The following CABLES1 variants were observed in gnomAD, a reference collection of about 807,000 sequenced individuals.
CABLES1 encodes the protein Cdk5 and Abl enzyme substrate 1.
In CABLES1, 36 loss-of-function variants were observed where a neutral mutation model predicts 57.8. The observed-to-expected ratio is 0.62, with a 90% CI of 0.48 to 0.82. The LOEUF is 0.82. CABLES1 is among the 40% of genes least tolerant of loss of function. The pLI is 0.00. For missense variants in CABLES1, 767 were observed against 836.6 expected, an observed-to-expected ratio of 0.92 and a Z score of 1.03; for synonymous variants, 374 against 363.0, an observed-to-expected ratio of 1.03 and a Z score of -0.35.
rs772282378 is a variant in CABLES1, at chr18:23,253,756, G to A, written c.1581G>A (p.Ala527=). 2.1e-5 allele frequency: 34 copies of A among 1,614,046 alleles called. No homozygotes were observed. The highest frequency in any genetic ancestry group is 1.1e-4 in the African/African-American group (8 of 74,920). Residue 527 remains alanine (A), a synonymous_variant, in exon 9 of 10, where the codon GCG becomes GCA. Coordinates refer to ENST00000256925, the MANE Select transcript of CABLES1 (RefSeq NM_001100619.3). ...TGAAACGAGAGATGCGGAAGCTTGC[G>A]CAGGAGGACTGTGGCCTTGAGGAGC... ...RSLKREMRKL[A]QEDCGLEEPT...
chr18:23,241,456 G>T (rs1214134828), intron 7 of CABLES1, among the ~76,000 whole-genome samples: 4 of 147,130 alleles, frequency 2.7e-5, no homozygotes, highest in African/African-American at 1.0e-4. Context: ...GCTTAAACCC[G>T]GGAGGTGGAG....
At chr18:23,235,410 G>A (rs1412296300) in intron 5 of CABLES1, among the ~76,000 whole-genome samples, 6 of 152,196 alleles carry the variant, frequency 3.9e-5, no homozygotes, top group African/African-American at 9.7e-5. Flanking sequence ...CACCCCTAAC[G>A]AGGAAGTGTT....
At chr18:23,171,883 C>T (rs978815699) in intron 1 of CABLES1, among the ~76,000 whole-genome samples, 3 of 152,204 alleles carry the variant, frequency 2.0e-5, no homozygotes, top group Non-Finnish European at 4.4e-5. Context: ...GTTAACCTTT[C>T]TGAGCTACCA....
chr18:23,202,807 A>G (rs938901978), intron 3 of CABLES1, among the ~76,000 whole-genome samples: 21 of 152,110 alleles, frequency 1.4e-4, no homozygotes, highest in African/African-American at 4.8e-4. Flanking sequence ...TAACACAGTG[A>G]AACCCCATCT....
At chr18:23,181,734 G>A (rs1386508795) in intron 1 of CABLES1, among the ~76,000 whole-genome samples, 1 of 152,154 alleles carries the variant, frequency 6.6e-6, no homozygotes, top group African/African-American at 2.4e-5. Flanking sequence ...CCCCTCCCAA[G>A]CAGCTCACTT....
intron 9 of CABLES1, 80 bp from the exon 10 acceptor site, chr18:23,257,147 G>A: frequency 2.7e-6 from 4 of 1,509,122 alleles, no homozygotes; most frequent in Non-Finnish European, 3.6e-6. Flanking sequence ...ACTGGCTGGT[G>A]GATAGAGAAG....
At chr18:23,217,802 C>T (rs140170364) in intron 4 of CABLES1, among the ~76,000 whole-genome samples, 368 of 152,356 alleles carry the variant, frequency 2.4e-3, no homozygotes, top group Non-Finnish European at 4.8e-3. Context: ...TTTACTTTTA[C>T]GCTGAAGTTC....
At chr18:23,231,652 G>A (rs553650101) in intron 4 of CABLES1, among the ~76,000 whole-genome samples, 2 of 152,252 alleles carry the variant, frequency 1.3e-5, no homozygotes, top group East Asian at 1.9e-4. Context: ...CCCAAGTGTC[G>A]CTGAGACGCT....
intron 1 of CABLES1, among the ~76,000 whole-genome samples, chr18:23,178,775 G>A (rs1206544781): frequency 1.3e-5 from 2 of 152,154 alleles, no homozygotes; most frequent in Non-Finnish European, 2.9e-5. Context: ...GATTTGGCAA[G>A]TCTGATGAGA....
At chr18:23,172,022 G>C (rs1027379667) in intron 1 of CABLES1, among the ~76,000 whole-genome samples, 3 of 152,210 alleles carry the variant, frequency 2.0e-5, no homozygotes, top group African/African-American at 7.2e-5. Flanking sequence ...ACGGGCTCAA[G>C]TGATTCTCCC....
chr18:23,161,423 C>T (rs556495163), intron 1 of CABLES1, among the ~76,000 whole-genome samples: 1 of 151,188 alleles, frequency 6.6e-6, no homozygotes, highest in Non-Finnish European at 1.5e-5. Context: ...GTAATCACAT[C>T]ACTGATGAAT....
chr18:23,153,819 C>G (rs982818635), intron 1 of CABLES1, among the ~76,000 whole-genome samples: 1 of 152,116 alleles, frequency 6.6e-6, no homozygotes, highest in African/African-American at 2.4e-5. Flanking sequence ...TCACTTGAGA[C>G]TAGGAGTTTG....
At chr18:23,152,728 G>A (rs542728644) in intron 1 of CABLES1, among the ~76,000 whole-genome samples, 6 of 151,724 alleles carry the variant, frequency 4.0e-5, no homozygotes, top group African/African-American at 9.7e-5. Flanking sequence ...CAAGTGATCC[G>A]CCTGGCTCGG....
In CABLES1 at chr18:23,162,713, C is replaced by T. The variant is rs540168759; in HGVS notation, c.845+26106C>T. 4.6e-5 allele frequency among the ~76,000 whole-genome samples: 7 copies of T among 152,236 alleles called. No homozygotes were observed. In the East Asian group the frequency reaches 1.4e-3, roughly 29 times the overall value. ...GTGTCTTAGGCTGCCAGAGGAGAAGCCACCAGCACCTGAGAAGTGGGTAGG... is the reference window on the plus strand; with the variant it reads ...GTGTCTTAGGCTGCCAGAGGAGAAGTCACCAGCACCTGAGAAGTGGGTAGG... On this transcript the variant is annotated intron_variant, in intron 1 of 9. Transcript: ENST00000256925.
intron 1 of CABLES1, among the ~76,000 whole-genome samples, chr18:23,160,973 C>T (rs1383287188): frequency 2.0e-5 from 3 of 152,150 alleles, no homozygotes; most frequent in African/African-American, 4.8e-5. Flanking sequence ...GCAAAGGTTG[C>T]AGTGAGCCAA....
At chr18:23,169,520 C>T (rs749895175) in intron 1 of CABLES1, among the ~76,000 whole-genome samples, 12 of 152,172 alleles carry the variant, frequency 7.9e-5, no homozygotes, top group Middle Eastern at 3.2e-3. Context: ...CAGAGAAGTG[C>T]CTGGTCTGTC....
At chr18:23,165,759 G>A (rs571573270) in intron 1 of CABLES1, among the ~76,000 whole-genome samples, 1 of 152,286 alleles carries the variant, frequency 6.6e-6, no homozygotes, top group African/African-American at 2.4e-5. Flanking sequence ...ATTCTTCGAT[G>A]GACACTTGGT....
intron 7 of CABLES1, among the ~76,000 whole-genome samples, chr18:23,252,030 G>A (rs556856906): frequency 7.6e-4 from 113 of 148,520 alleles, no homozygotes; most frequent in African/African-American, 2.7e-3. Flanking sequence ...AGGTTGCAGC[G>A]AACCAAGATT....
chr18:23,227,440 A>G (rs939723220), intron 4 of CABLES1, among the ~76,000 whole-genome samples: 9 of 152,188 alleles, frequency 5.9e-5, no homozygotes, highest in African/African-American at 2.2e-4. Context: ...AAGCTACGTT[A>G]AGACCCCTTC....
Sources: gnomAD v4.1 joint callset for allele counts (sites outside exome capture counted in the v4.1 genomes callset) on GRCh38, gnomAD v4.1.1 for gene constraint, MANE v1.5 for transcripts, NCBI Gene and HGNC (gene_info 2026-07-23, HGNC 2026-07-21) for gene names.